The following DAB1 variants were observed in gnomAD, a reference collection of about 807,000 sequenced individuals.
DAB1 encodes disabled homolog 1.
A neutral mutation model predicts 64.6 loss-of-function variants in DAB1; 15 were observed. The observed-to-expected ratio is 0.23, with a 90% CI of 0.16 to 0.36. The LOEUF (loss-of-function observed/expected upper bound fraction) is 0.36, where lower values mean the gene tolerates loss of function less well. Ranked by LOEUF, DAB1 falls within the 10% of genes least tolerant of loss-of-function variation. DAB1 has a pLI of 1.00. For synonymous variants in DAB1, 235 were observed against 251.9 expected, an observed-to-expected ratio of 0.93 and a Z score of 0.64; for missense variants, 596 against 706.7, an observed-to-expected ratio of 0.84 and a Z score of 1.78.
chr1:57,783,105 T>TC (rs1491517391), intron 6 of DAB1, among the ~76,000 whole-genome samples: 9 of 84,828 alleles, frequency 1.1e-4, no homozygotes, highest in African/African-American at 4.1e-4. Flanking sequence ...CTCTCTCTTT[T>TC]CTTTTTTTTT....
intron 2 of DAB1, among the ~76,000 whole-genome samples, chr1:57,265,597 G>A (rs568579334): frequency 4.6e-5 from 7 of 152,220 alleles, no homozygotes; most frequent in East Asian, 3.9e-4. Context: ...AACGGATGCC[G>A]TCAGTAACAA....
chr1:57,274,423 G>A (rs1196724901), intron 2 of DAB1, among the ~76,000 whole-genome samples: 1 of 152,158 alleles, frequency 6.6e-6, no homozygotes, highest in African/African-American at 2.4e-5. Flanking sequence ...ATCCAGACGA[G>A]TGTCTTATAT....
intron 1 of DAB1, among the ~76,000 whole-genome samples, chr1:57,404,284 C>T (rs926026221): frequency 6.6e-6 from 1 of 152,086 alleles, no homozygotes; most frequent in Non-Finnish European, 1.5e-5. Flanking sequence ...CAAAGTAAAA[C>T]ACGTCTAGCA....
intron 1 of DAB1, among the ~76,000 whole-genome samples, chr1:57,329,916 C>G (rs1294108758): frequency 6.6e-6 from 1 of 152,092 alleles, no homozygotes; most frequent in Non-Finnish European, 1.5e-5. Context: ...ATTCATTAAC[C>G]CATCAAGAAA....
chr1:57,921,140 G>A (rs1241476097), intron 5 of DAB1, among the ~76,000 whole-genome samples: 1 of 152,160 alleles, frequency 6.6e-6, no homozygotes, highest in African/African-American at 2.4e-5. Flanking sequence ...ATTTCTATAT[G>A]TACTGGTATA....
chr1:58,507,825 A>G (rs1190666347), intron 2 of DAB1, among the ~76,000 whole-genome samples: 1 of 152,170 alleles, frequency 6.6e-6, no homozygotes, highest in Non-Finnish European at 1.5e-5. Context: ...ATACAGGCTG[A>G]GATTAACAAG....
Position 57,076,254 on chromosome 1 carries a change from C to T in DAB1, c.307-3840G>A, listed in dbSNP as rs543260107. ...GGGAGAACAGCCAGAGAATACCGGC[C>T]GGAGTGGGAGGCAGAGGGTGAAGGA... On this transcript the variant is annotated intron_variant, in intron 4 of 14. Coordinates refer to ENST00000371236, the MANE Select transcript of DAB1 (RefSeq NM_001365792.1). Among the ~76,000 whole-genome samples the T allele has an allele frequency of 5.1e-4, 78 of 152,226 alleles. 1 individual carries two copies. In the South Asian group the frequency reaches 0.012, roughly 23 times the overall value.
At chr1:57,785,155 T>A (rs556830736) in intron 6 of DAB1, among the ~76,000 whole-genome samples, 2 of 152,258 alleles carry the variant, frequency 1.3e-5, no homozygotes, top group East Asian at 3.9e-4. Flanking sequence ...TATAATTTAC[T>A]GAATATTTTA....
In DAB1 at chr1:56,996,047, G is replaced by A. The variant is rs1645602210; in HGVS notation, c.*2097C>T. On this transcript the variant is annotated 3_prime_UTR_variant, in exon 15 of 15. Coordinates refer to ENST00000371236, the MANE Select transcript of DAB1 (RefSeq NM_001365792.1). ...AGACGTTTGGTCAGTTTATCTAACT[G>A]AAAAAAAAATTAGACTCCTGTGACC... The A allele has an allele frequency of 6.6e-6, 1 of 150,864 alleles. No homozygotes were observed. The highest frequency in any genetic ancestry group is 1.5e-5 in the Non-Finnish European group (1 of 67,674). 9.3% of individuals were successfully genotyped at this position (150,864 alleles called of 1,614,324 possible).
At chr1:57,414,610 C>A (rs1276702494) in intron 1 of DAB1, among the ~76,000 whole-genome samples, 2 of 152,102 alleles carry the variant, frequency 1.3e-5, no homozygotes, top group East Asian at 1.9e-4. Context: ...CCCATGGATG[C>A]CTGAATTTAT....
chr1:58,042,557 G>T (rs933793487), intron 5 of DAB1, among the ~76,000 whole-genome samples: 30 of 152,154 alleles, frequency 2.0e-4, no homozygotes, highest in African/African-American at 7.2e-4. Context: ...TATATGCATG[G>T]CGCATTGAAA....
chr1:58,203,502 C>G (rs1018258660), intron 4 of DAB1, among the ~76,000 whole-genome samples: 7 of 152,176 alleles, frequency 4.6e-5, no homozygotes, highest in African/African-American at 1.7e-4. Flanking sequence ...GCTAACTCTT[C>G]TTTTTTCTGC....
chr1:58,295,252 A>C (rs1661942166), intron 4 of DAB1, among the ~76,000 whole-genome samples: 1 of 152,104 alleles, frequency 6.6e-6, no homozygotes, highest in Non-Finnish European at 1.5e-5. Context: ...ACTTGGAAGA[A>C]ATTTGCTGAA....
intron 5 of DAB1, among the ~76,000 whole-genome samples, chr1:58,134,575 T>C (rs1653836890): frequency 1.3e-5 from 2 of 152,144 alleles, no homozygotes; most frequent in South Asian, 4.1e-4. Flanking sequence ...CGTCTTCTTC[T>C]GGGGAGGCCT....
At chr1:57,605,858 C>A in intron 7 of DAB1, 2 of 589,384 alleles carry the variant, frequency 3.4e-6, no homozygotes, top group South Asian at 1.6e-5. Flanking sequence ...TAAGCATCTG[C>A]AACGGTGACT....
chr1:57,086,644 AACACACACACACACAC>A (rs368060919), intron 4 of DAB1, among the ~76,000 whole-genome samples: 11 of 118,530 alleles, frequency 9.3e-5, no homozygotes, highest in Non-Finnish European at 1.9e-4. Context: ...TTCTGTCTTA[AACACACACACACACAC>A]ACACACACAC....
intron 4 of DAB1, among the ~76,000 whole-genome samples, chr1:58,190,755 T>A (rs139567299): frequency 8.5e-4 from 130 of 152,354 alleles, no homozygotes; most frequent in African/African-American, 2.8e-3. Flanking sequence ...AGGAAACATC[T>A]TTGGAAATGC....
chr1:57,904,894 T>G (rs1309812996), intron 5 of DAB1, among the ~76,000 whole-genome samples: 1 of 152,168 alleles, frequency 6.6e-6, no homozygotes, highest in African/African-American at 2.4e-5. Flanking sequence ...GGGAACTCAC[T>G]GGAGAATCTT....
chr1:57,413,393 T>C (rs1684259765), intron 1 of DAB1, among the ~76,000 whole-genome samples: 1 of 152,210 alleles, frequency 6.6e-6, no homozygotes. Flanking sequence ...CTGCCATAAA[T>C]AGTGATTCTT....
Sources: allele counts gnomAD v4.1 joint callset (sites outside exome capture counted in the v4.1 genomes callset), GRCh38; gene constraint gnomAD v4.1.1; transcripts MANE v1.5; gene names NCBI Gene and HGNC (gene_info 2026-07-23, HGNC 2026-07-21).